The following PRR16 variants were observed in gnomAD, a reference collection of about 807,000 sequenced individuals.
PRR16 encodes proline rich 16.
In PRR16, 6 loss-of-function variants were observed where a neutral mutation model predicts 18.2. The observed-to-expected ratio is 0.33, with a 90% CI of 0.18 to 0.65. The LOEUF is 0.65. PRR16 is among the 30% of genes least tolerant of loss of function. The pLI is 0.74. For synonymous variants in PRR16, 151 were observed against 147.8 expected, an observed-to-expected ratio of 1.02 and a Z score of -0.16; for missense variants, 412 against 376.6, an observed-to-expected ratio of 1.09 and a Z score of -0.78.
intron 1 of PRR16, among the ~76,000 whole-genome samples, chr5:120,673,328 T>A (rs1227222046): frequency 6.6e-6 from 1 of 152,240 alleles, no homozygotes; most frequent in African/African-American, 2.4e-5. Context: ...GGGGCATTTC[T>A]ACGTATTTCA....
chr5:120,780,270 A>G, the PRR16 span, among the ~76,000 whole-genome samples: 1 of 152,224 alleles, frequency 6.6e-6, no homozygotes, highest in South Asian at 2.1e-4. Flanking sequence ...ATGTTAGCCT[A>G]TAACTAAGGA....
chr5:120,527,093 T>C (rs1308796331), intron 1 of PRR16, among the ~76,000 whole-genome samples: 1 of 152,112 alleles, frequency 6.6e-6, no homozygotes, highest in Non-Finnish European at 1.5e-5. Flanking sequence ...GGATACCTCA[T>C]GTAAGTGGAA....
chr5:120,484,238 G>A (rs1440891310), intron 1 of PRR16, among the ~76,000 whole-genome samples: 4 of 150,054 alleles, frequency 2.7e-5, no homozygotes, highest in South Asian at 2.1e-4. Context: ...TAAAACATTC[G>A]AAATGATTAC....
intron 1 of PRR16, among the ~76,000 whole-genome samples, chr5:120,591,934 A>G (rs1285527713): frequency 6.6e-6 from 1 of 152,174 alleles, no homozygotes; most frequent in Non-Finnish European, 1.5e-5. Context: ...ATGCTGAAAC[A>G]GTTTTGTAAG....
rs1424118823 is a variant in PRR16 at position 120,617,245 on chromosome 5, C to A, written c.160-68709C>A. On this transcript the variant is annotated intron_variant, in intron 1 of 1. Transcript: ENST00000407149. ...CAGGAATTTGGACAGCACATACCAA[C>A]ATTTCTAAGAAACATGCAAACCAAT... is the stretch of plus-strand genomic sequence containing the variant. The A allele has an allele frequency of 4.8e-6, 4 of 838,670 alleles. No homozygotes were observed. The African/African-American group carries it at 5.5e-5, about 12-fold the overall frequency. The allele number at this position is 838,670 out of a possible 1,614,324, so 52.0% of individuals were successfully genotyped here.
intron 1 of PRR16, among the ~76,000 whole-genome samples, chr5:120,604,144 G>A (rs755072533): frequency 1.3e-5 from 2 of 151,456 alleles, no homozygotes; most frequent in East Asian, 3.9e-4. Flanking sequence ...GTCTAACACC[G>A]TCAGTGGAGT....
At chr5:120,647,279 A>G (rs1755632901) in intron 1 of PRR16, among the ~76,000 whole-genome samples, 1 of 151,960 alleles carries the variant, frequency 6.6e-6, no homozygotes, top group Non-Finnish European at 1.5e-5. Context: ...TTAACCATAT[A>G]TTTGTAGAAC....
At chr5:120,705,559 T>A in the PRR16 span, among the ~76,000 whole-genome samples, 38 of 152,146 alleles carry the variant, frequency 2.5e-4, no homozygotes, top group African/African-American at 8.2e-4. Context: ...TTCTTTATAA[T>A]CAGCTTATAT....
chr5:120,762,836 C>T, the PRR16 span, among the ~76,000 whole-genome samples: 1 of 152,042 alleles, frequency 6.6e-6, no homozygotes, highest in Non-Finnish European at 1.5e-5. Context: ...GAGGTCTTAG[C>T]CATAATATTT....
the PRR16 span, among the ~76,000 whole-genome samples, chr5:120,712,643 AT>A: frequency 1.3e-5 from 2 of 152,196 alleles, no homozygotes; most frequent in African/African-American, 2.4e-5. Flanking sequence ...CAATTTTAAA[AT>A]GGGAAAAGGA....
the PRR16 span, among the ~76,000 whole-genome samples, chr5:120,738,485 G>T: frequency 6.6e-6 from 1 of 151,680 alleles, no homozygotes; most frequent in Non-Finnish European, 1.5e-5. Context: ...ATATTTACAT[G>T]ACGACCCCCT....
At chr5:120,622,448 A>C (rs1465762959) in intron 1 of PRR16, among the ~76,000 whole-genome samples, 3 of 151,870 alleles carry the variant, frequency 2.0e-5, no homozygotes, top group African/African-American at 4.8e-5. Context: ...ACAAGTTGGC[A>C]TTCCATATGT....
chr5:120,528,904 A>C (rs1009307029), intron 1 of PRR16, among the ~76,000 whole-genome samples: 5 of 152,204 alleles, frequency 3.3e-5, no homozygotes, highest in Non-Finnish European at 7.3e-5. Flanking sequence ...AAGCTAGCTA[A>C]AACTATGAGC....
intron 1 of PRR16, among the ~76,000 whole-genome samples, chr5:120,619,432 C>G (rs1379906159): frequency 6.6e-6 from 1 of 152,038 alleles, no homozygotes; most frequent in Non-Finnish European, 1.5e-5. Flanking sequence ...TGTTAAAATA[C>G]AAGAAGTATT....
chr5:120,600,097 T>G (rs1407781175), intron 1 of PRR16, among the ~76,000 whole-genome samples: 2 of 151,880 alleles, frequency 1.3e-5, no homozygotes, highest in African/African-American at 4.8e-5. Context: ...AATTATCTTT[T>G]CTGTTATGAT....
At chr5:120,616,032 T>A (rs1754499464) in intron 1 of PRR16, among the ~76,000 whole-genome samples, 1 of 152,182 alleles carries the variant, frequency 6.6e-6, no homozygotes. Context: ...AAGCTGAGAA[T>A]AACGTGCCCT....
intron 1 of PRR16, among the ~76,000 whole-genome samples, chr5:120,499,024 T>G (rs1750354583): frequency 6.6e-6 from 1 of 152,108 alleles, no homozygotes; most frequent in Admixed American, 6.5e-5. Context: ...TTTATCCTAT[T>G]TGGGGTTTTC....
At position 120,686,547 on chromosome 5, in the gene PRR16, C is replaced by A. The variant is rs267600325; in HGVS notation, c.753C>A (p.Leu251=). 1.2e-6 allele frequency: 2 copies of A among 1,613,542 alleles called. No individual in the cohort carries two copies. Among genetic ancestry groups the A allele is most frequent in the African/African-American group, 2.7e-5 (2 of 74,818 alleles). The change falls in exon 2 of 2, where the codon CTC becomes CTA. Residue 251 remains leucine (L), a synonymous_variant. Coordinates refer to ENST00000407149, the MANE Select transcript of PRR16 (RefSeq NM_001300783.2). ...PGKIPHQGPP[L]PPTPHLPPFP... is the part of the protein sequence containing the mutation. Reference sequence around the variant, plus strand: ...AGATTCCTCACCAAGGCCCTCCCCTCCCTCCTACACCCCATCTCCCTCCTT... The same window carrying A: ...AGATTCCTCACCAAGGCCCTCCCCTACCTCCTACACCCCATCTCCCTCCTT...
At chr5:120,685,871 T>A (rs1047659319) in intron 1 of PRR16, 83 bp from the exon 2 acceptor site, 234 of 1,392,024 alleles carry the variant, frequency 1.7e-4, no homozygotes, top group Non-Finnish European at 2.3e-4. Flanking sequence ...CCATAGCAGA[T>A]TTCCCCTAGA....
Sources: gnomAD v4.1 joint callset for allele counts (sites outside exome capture counted in the v4.1 genomes callset) on GRCh38, gnomAD v4.1.1 for gene constraint, MANE v1.5 for transcripts, NCBI Gene and HGNC (gene_info 2026-07-23, HGNC 2026-07-21) for gene names.